The following DHRS7B variants were observed in gnomAD, a reference collection of about 807,000 sequenced individuals.
The protein encoded by DHRS7B is peroxisomal reductase activating PPAR-gamma.
Under a neutral mutation model 26.4 loss-of-function variants are expected in DHRS7B, and 24 were observed. The observed-to-expected ratio is 0.91, with a 90% CI of 0.66 to 1.28. The LOEUF (loss-of-function observed/expected upper bound fraction) is 1.28. Among genes scored for constraint, DHRS7B ranks in the 50% most tolerant of loss-of-function variants. DHRS7B has a pLI of 0.00. For synonymous variants in DHRS7B, 142 were observed against 166.4 expected (o/e 0.85, Z 1.13); for missense variants, 368 against 419.4 (o/e 0.88, Z 1.07).
chr17:21,188,816 C>T lies in DHRS7B; in HGVS notation c.725C>T (p.Thr242Ile). The T allele has an allele frequency of 6.2e-7, 1 of 1,614,222 alleles. No individual in the cohort carries two copies. The highest frequency in any genetic ancestry group is 8.5e-7 in the Non-Finnish European group (1 of 1,180,040). The change falls in exon 6 of 7, where the codon ACC becomes ATC. Residue 242 changes from threonine to isoleucine, a missense_variant. Coordinates refer to ENST00000395511, the MANE Select transcript of DHRS7B (RefSeq NM_015510.5). ...VTVISPGYIH[T>I]NLSVNAITAD... ...GTCATCAGCCCCGGCTACATCCACA[C>T]CAACCTCTCTGTAAATGCCATCACC... is the stretch of plus-strand genomic sequence containing the variant.
Position 21,171,829 on chromosome 17 carries a change from G to A in DHRS7B, c.21-189G>A, listed in dbSNP as rs928303412. ...TTCTGTCCGCTCATGTCAGTACTGAGAGGAAGAAAGTTCTACAATGCTGAA... is the reference window on the plus strand; with the variant it reads ...TTCTGTCCGCTCATGTCAGTACTGAAAGGAAGAAAGTTCTACAATGCTGAA... On this transcript the variant is annotated intron_variant, in intron 1 of 6. Transcript: ENST00000395511. The A allele has an allele frequency of 9.4e-6, 7 of 741,558 alleles. No homozygotes were observed. In the Admixed American group the frequency reaches 1.4e-4, roughly 15 times the overall value. 45.9% of individuals were successfully genotyped at this position (741,558 alleles called of 1,614,324 possible).
chr17:21,184,783 C>CTA (rs1324753279), intron 5 of DHRS7B, among the ~76,000 whole-genome samples: 1 of 152,206 alleles, frequency 6.6e-6, no homozygotes, highest in African/African-American at 2.4e-5. Flanking sequence ...AAGCACTAGG[C>CTA]ATGTGCTAGC....
intron 1 of DHRS7B, among the ~76,000 whole-genome samples, chr17:21,150,474 G>C (rs183804062): frequency 6.6e-6 from 1 of 152,062 alleles, no homozygotes; most frequent in African/African-American, 2.4e-5. Context: ...AATATTATCC[G>C]GGCGTGGTGG....
chr17:21,177,541 G>T (rs557323909), intron 2 of DHRS7B, among the ~76,000 whole-genome samples: 1 of 152,092 alleles, frequency 6.6e-6, no homozygotes. Context: ...ACTCCCTCCC[G>T]CCCAGCAGGA....
chr17:21,155,486 A>G (rs1973860159), intron 1 of DHRS7B, among the ~76,000 whole-genome samples: 1 of 152,212 alleles, frequency 6.6e-6, no homozygotes, highest in Non-Finnish European at 1.5e-5. Context: ...ATGTGAGGCA[A>G]AAACTGATGG....
chr17:21,131,837 G>A (rs1158217290), intron 1 of DHRS7B, among the ~76,000 whole-genome samples: 1 of 152,164 alleles, frequency 6.6e-6, no homozygotes, highest in Admixed American at 6.5e-5. Context: ...CAGTTTATAT[G>A]AGCAGCACTT....
rs1210329406 is a variant in DHRS7B at position 21,188,714 on chromosome 17, C to G, written c.623C>G (p.Ala208Gly). ...KMSIPFRSAY[A>G]ASKHATQAFF... is the part of the protein sequence containing the mutation. ...GCCTCTCCGTCCACATGTGTAGATG[C>G]AGCCTCCAAGCACGCAACCCAGGCT... The change falls in exon 6 of 7, where the codon GCA (alanine) becomes GGA (glycine). Residue 208 changes from alanine to glycine, a missense_variant. Transcript: ENST00000395511. 40 of 1,585,904 alleles carry G rather than the reference C, an allele frequency of 2.5e-5. No homozygotes were observed. The highest frequency in any genetic ancestry group is 3.3e-5 in the Non-Finnish European group (39 of 1,166,006).
intron 2 of DHRS7B, 57 bp downstream of exon 2, chr17:21,172,253 A>G (rs1171022542): frequency 1.3e-6 from 2 of 1,554,398 alleles, no homozygotes; most frequent in Non-Finnish European, 1.7e-6. Flanking sequence ...AGGGATGAGG[A>G]GCGGCCCAGC....
intron 1 of DHRS7B, chr17:21,128,064 A>G (rs1225881063): frequency 6.6e-6 from 1 of 152,204 alleles, no homozygotes; most frequent in Non-Finnish European, 1.5e-5. Context: ...TAGGAACTAT[A>G]ATTTTTATTT....
At chr17:21,165,758 A>G (rs1229337533) in intron 1 of DHRS7B, among the ~76,000 whole-genome samples, 1 of 152,092 alleles carries the variant, frequency 6.6e-6, no homozygotes, top group East Asian at 1.9e-4. Context: ...TCTACTAAAA[A>G]TACAAAAATT....
chr17:21,150,993 T>C (rs570352620), intron 1 of DHRS7B, among the ~76,000 whole-genome samples: 19 of 152,352 alleles, frequency 1.2e-4, no homozygotes, highest in Middle Eastern at 3.4e-3. Flanking sequence ...CAAGAAACTT[T>C]GTGAGCTCCA....
chr17:21,183,080 G>A (rs370731427), intron 3 of DHRS7B, among the ~76,000 whole-genome samples: 2 of 152,272 alleles, frequency 1.3e-5, no homozygotes, highest in South Asian at 2.1e-4. Context: ...GAAGTCTCCT[G>A]AGATTTTTTA....
At chr17:21,163,088 C>T (rs1245543226) in intron 1 of DHRS7B, among the ~76,000 whole-genome samples, 2 of 151,604 alleles carry the variant, frequency 1.3e-5, no homozygotes, top group African/African-American at 4.8e-5. Flanking sequence ...CCCAGCTACT[C>T]AGAAGGCTGA....
chr17:21,149,530 A>G (rs201940397), intron 1 of DHRS7B, among the ~76,000 whole-genome samples: 21 of 152,224 alleles, frequency 1.4e-4, no homozygotes, highest in Non-Finnish European at 2.9e-5. Context: ...AGACAAATCT[A>G]TCAAAACAAA....
At chr17:21,143,346 G>C (rs1424175599) in intron 1 of DHRS7B, among the ~76,000 whole-genome samples, 1 of 152,224 alleles carries the variant, frequency 6.6e-6, no homozygotes, top group Admixed American at 6.5e-5. Context: ...ACAGGCGTGA[G>C]CCACTGTGTC....
chr17:21,172,163 G>A lies in DHRS7B; in HGVS notation c.166G>A (p.Val56Met). 1.9e-6 allele frequency: 3 copies of A among 1,613,672 alleles called. No homozygotes were observed. Among genetic ancestry groups the A allele is most frequent in the Non-Finnish European group, 2.5e-6 (3 of 1,179,790 alleles). The change falls in exon 2 of 7, where the codon GTG becomes ATG. Residue 56 changes from valine (V) to methionine (M), a missense_variant. Transcript: ENST00000395511. The part of the protein sequence containing the change: ...GKAYLRNAVV[V>M]ITGATSGLGK... ...GGCCTACCTGCGGAATGCTGTGGTG[G>A]TGATCACAGGCGCCACCTCAGGGCT...
intron 1 of DHRS7B, chr17:21,171,682 C>T (rs73984300): frequency 0.047 from 19,425 of 413,820 alleles, 739 homozygotes; most frequent in African/African-American, 0.13. Context: ...CACAGGTTTC[C>T]GAAGGAGAGG....
At chr17:21,173,747 C>T (rs1974312304) in intron 2 of DHRS7B, among the ~76,000 whole-genome samples, 1 of 152,218 alleles carries the variant, frequency 6.6e-6, no homozygotes, top group African/African-American at 2.4e-5. Context: ...CATCGTCAGT[C>T]CTCTGACCTT....
At position 21,133,191 on chromosome 17, in the gene DHRS7B, G is replaced by A. The variant is rs1973275867; in HGVS notation, c.20+6200G>A. 2.0e-5 allele frequency among the ~76,000 whole-genome samples: 3 copies of A among 152,180 alleles called. No individual in the cohort carries two copies. The South Asian group carries it at 6.2e-4, about 31-fold the overall frequency. The stretch of plus-strand genomic sequence containing the variant: ...CTTTTCAATAGCCATGTATGGTACT[G>A]TGAACCCAGAAAATCTGAGACAGGT... On this transcript the variant is annotated intron_variant, in intron 1 of 6. Coordinates refer to ENST00000395511, the MANE Select transcript of DHRS7B (RefSeq NM_015510.5).
Sources: allele counts gnomAD v4.1 joint callset (sites outside exome capture counted in the v4.1 genomes callset), GRCh38; gene constraint gnomAD v4.1.1; transcripts MANE v1.5; gene names NCBI Gene and HGNC (gene_info 2026-07-23, HGNC 2026-07-21).